ROCK2: variants seen among roughly 807,000 people sequenced by gnomAD.
The protein encoded by ROCK2 is rho-associated protein kinase 2.
ROCK2 carries 61 observed loss-of-function variants against 195.1 expected under a neutral mutation model. That is an observed-to-expected ratio of 0.31 (90% CI 0.25 to 0.39). ROCK2 has a LOEUF of 0.39. Among genes scored for constraint, ROCK2 ranks in the 10% least tolerant of loss-of-function variants. ROCK2 has a pLI of 1.00. For synonymous variants in ROCK2, 504 were observed against 545.5 expected, an observed-to-expected ratio of 0.92 and a Z score of 1.06; for missense variants, 1,109 against 1,637.4, an observed-to-expected ratio of 0.68 and a Z score of 5.57.
intron 1 of ROCK2, among the ~76,000 whole-genome samples, chr2:11,339,671 AAAGC>A (rs1449943753): frequency 2.6e-5 from 4 of 152,250 alleles, no homozygotes; most frequent in Admixed American, 6.5e-5. Flanking sequence ...TTCAGTAAAT[AAAGC>A]AAGTCATAAA....
chr2:11,281,478 G>A (rs905651680), intron 3 of ROCK2, among the ~76,000 whole-genome samples: 12 of 152,138 alleles, frequency 7.9e-5, no homozygotes, highest in African/African-American at 1.7e-4. Flanking sequence ...TAGAGGATTC[G>A]AAAGTTTCCT....
At chr2:11,283,186 G>T (rs115700682) in intron 3 of ROCK2, among the ~76,000 whole-genome samples, 6,407 of 151,270 alleles carry the variant, frequency 0.042, 273 homozygotes, top group Non-Finnish European at 0.06. Flanking sequence ...AAGAATCACT[G>T]GAACTCAGGA....
chr2:11,297,528 C>T (rs573071743), intron 1 of ROCK2, among the ~76,000 whole-genome samples: 3 of 152,126 alleles, frequency 2.0e-5, no homozygotes, highest in East Asian at 1.9e-4. Flanking sequence ...CACTATTCGC[C>T]GCCTCCTATA....
chr2:11,277,901 T>C (rs1666881100), intron 3 of ROCK2, among the ~76,000 whole-genome samples: 4 of 152,236 alleles, frequency 2.6e-5, no homozygotes, highest in Admixed American at 1.3e-4. Context: ...TCATAGAGCA[T>C]GATTTACAGG....
chr2:11,334,011 A>C (rs1190071535), intron 1 of ROCK2, among the ~76,000 whole-genome samples: 3 of 152,182 alleles, frequency 2.0e-5, no homozygotes, highest in Non-Finnish European at 1.5e-5. Flanking sequence ...AAAATATCCA[A>C]ATCACAATTT....
rs373792234 is a variant in ROCK2, at chr2:11,197,640, A to G, written c.3165T>C (p.Asp1055=). 2.1e-5 allele frequency: 34 copies of G among 1,613,040 alleles called. No homozygotes were observed. The South Asian group carries it at 3.2e-4, about 15-fold the overall frequency. Residue 1055 remains aspartate, a synonymous_variant, in exon 26 of 33, where the codon GAT becomes GAC. Transcript: ENST00000315872. This position sits in a 1 kb window ranked among gnomAD's most constrained non-coding sequence, Gnocchi z 4.9. Reference sequence around the variant, plus strand: ...TATTCTCCTTCTCTTTTCTCCGCACATCTGTGTCATTACCACGCTTGACAG... The same window carrying G: ...TATTCTCCTTCTCTTTTCTCCGCACGTCTGTGTCATTACCACGCTTGACAG... ...KEPVKRGNDT[D]VRRKEKENRK...
intron 1 of ROCK2, among the ~76,000 whole-genome samples, chr2:11,331,151 A>T (rs1471743120): frequency 1.3e-5 from 2 of 152,232 alleles, no homozygotes; most frequent in African/African-American, 4.8e-5. Flanking sequence ...AAAACTCAAA[A>T]TAGTTTATCT....
chr2:11,192,074 T>C lies in ROCK2; in HGVS notation c.4163+74A>G. ...GCAAAGGAAAACTAATTAGGAAAATTTGTAGTTTGAACATAAATAGCAAAA... is the reference window on the plus strand; with the variant it reads ...GCAAAGGAAAACTAATTAGGAAAATCTGTAGTTTGAACATAAATAGCAAAA... On this transcript the variant is annotated intron_variant, in intron 32 of 32. Transcript: ENST00000315872. The surrounding 1 kb of genome is among the most constrained non-coding windows in gnomAD (Gnocchi z 5.0). 2.8e-6 allele frequency: 3 copies of C among 1,080,426 alleles called. No homozygotes were observed. The highest frequency in any genetic ancestry group is 4.0e-6 in the Non-Finnish European group (3 of 741,518). The allele number at this position is 1,080,426 out of a possible 1,614,324, so 66.9% of individuals were successfully genotyped here. A position where few individuals can be genotyped will look rare whatever the true frequency, so the allele number is the denominator to read the frequency against.
chr2:11,299,222 C>A (rs1188116044), intron 1 of ROCK2, among the ~76,000 whole-genome samples: 6 of 150,632 alleles, frequency 4.0e-5, no homozygotes, highest in Middle Eastern at 3.4e-3. Flanking sequence ...TGCAGTGAGC[C>A]GAGATTGCAC....
chr2:11,219,813 A>G (rs901403506), intron 9 of ROCK2, among the ~76,000 whole-genome samples: 7 of 151,360 alleles, frequency 4.6e-5, no homozygotes, highest in Non-Finnish European at 8.8e-5. Context: ...AAAGCCCCTT[A>G]GCAGAGCACA....
intron 12 of ROCK2, 102 bp from the exon 13 acceptor site, chr2:11,216,308 T>A: frequency 2.3e-6 from 2 of 881,644 alleles, no homozygotes; most frequent in Non-Finnish European, 3.6e-6. Flanking sequence ...AGCTCTCCTT[T>A]ATTTTTCTGA....
At chr2:11,208,514 G>C (rs1664136134) in intron 18 of ROCK2, 67 bp from the exon 19 acceptor site, 2 of 896,084 alleles carry the variant, frequency 2.2e-6, no homozygotes, top group South Asian at 3.3e-5. Flanking sequence ...AAATTTGTAA[G>C]TAAAAGCACA....
At chr2:11,218,531 C>G (rs2148071118) in intron 10 of ROCK2, 65 bp from the exon 11 acceptor site, 2 of 1,170,500 alleles carry the variant, frequency 1.7e-6, no homozygotes, top group East Asian at 4.9e-5. Flanking sequence ...TGTAAAATTC[C>G]TAAAACACAA....
intron 17 of ROCK2, among the ~76,000 whole-genome samples, chr2:11,212,785 A>G (rs1664294154): frequency 6.6e-6 from 1 of 152,012 alleles, no homozygotes; most frequent in Non-Finnish European, 1.5e-5. Flanking sequence ...ACTACTTCAC[A>G]CAGTCTTTTC....
Position 11,198,735 on chromosome 2 carries a change from T to A in ROCK2, c.2950A>T (p.Asn984Tyr), listed in dbSNP as rs771745893. 2.5e-6 allele frequency: 4 copies of A among 1,610,410 alleles called. No individual in the cohort carries two copies. Among genetic ancestry groups the A allele is most frequent in the Non-Finnish European group, 3.4e-6 (4 of 1,178,302 alleles). ...TNRTLTSDVANLANEKEELNN... is the reference protein window; with the variant it reads ...TNRTLTSDVAYLANEKEELNN... ...AATTCTTCTTTCTCATTTGCAAGAT[T>A]GGCAACATCACTAGTTAGTGTCCTA... Residue 984 changes from asparagine to tyrosine, a missense_variant, in exon 24 of 33, where the codon AAT (asparagine) becomes TAT (tyrosine). By Grantham distance (143) the Asn-to-Tyr change is moderately radical (BLOSUM62 -2). Coordinates refer to ENST00000315872, the MANE Select transcript of ROCK2 (RefSeq NM_004850.5).
At chr2:11,330,740 G>GGGA (rs148690962) in intron 1 of ROCK2, among the ~76,000 whole-genome samples, 6 of 43,232 alleles carry the variant, frequency 1.4e-4, no homozygotes, top group Admixed American at 5.9e-4. Flanking sequence ...AAGATGAGGA[G>GGGA]GGAGGAGGGA....
chr2:11,217,016 C>A, intron 12 of ROCK2, 74 bp downstream of exon 12: 1 of 774,126 alleles, frequency 1.3e-6, no homozygotes, highest in Non-Finnish European at 2.1e-6. Context: ...GCCACCACAC[C>A]TGGCCGCTCT....
chr2:11,264,497 G>A (rs1429044474), intron 3 of ROCK2, among the ~76,000 whole-genome samples: 4 of 152,180 alleles, frequency 2.6e-5, no homozygotes, highest in African/African-American at 9.6e-5. Flanking sequence ...CAGATTTGTG[G>A]AGGAAGAACA....
chr2:11,320,534 TTACA>T (rs1668369743), intron 1 of ROCK2, among the ~76,000 whole-genome samples: 1 of 152,202 alleles, frequency 6.6e-6, no homozygotes, highest in Non-Finnish European at 1.5e-5. Context: ...GATAAATACC[TTACA>T]TAAATTATGA....
Sources: gnomAD v4.1 joint callset for allele counts (sites outside exome capture counted in the v4.1 genomes callset) on GRCh38, gnomAD v4.1.1 for gene constraint, Gnocchi (gnomAD v3.1) non-coding constraint, MANE v1.5 for transcripts, NCBI Gene and HGNC (gene_info 2026-07-23, HGNC 2026-07-21) for gene names.